The following PAK6 variants were observed in gnomAD, a reference collection of about 807,000 sequenced individuals.
The protein encoded by PAK6 is serine/threonine-protein kinase PAK 6.
In PAK6, 33 loss-of-function variants were observed where a neutral mutation model predicts 60.8. That is an observed-to-expected ratio of 0.54 (90% confidence interval 0.41 to 0.73). The LOEUF is 0.73. Among genes scored for constraint, PAK6 ranks in the 30% least tolerant of loss-of-function variants. PAK6 has a pLI of 0.00. For synonymous variants in PAK6, 404 were observed against 378.5 expected (o/e 1.07, Z -0.78); for missense variants, 845 against 904.1 (o/e 0.93, Z 0.84).
Position 40,265,822 on chromosome 15 carries a change from CT to C in PAK6, c.205-16del. On this transcript the variant is annotated intron_variant, in intron 4 of 10. Coordinates refer to ENST00000560346, the Ensembl canonical transcript of PAK6. ...CACAATTGGGCAGCTCCCACACACT[CT>C]TTTCTCTTCCCCCTACAGACAGTGG... 4.6e-6 allele frequency: 7 copies of C among 1,506,482 alleles called. No homozygotes were observed. The highest frequency in any genetic ancestry group is 6.2e-6 in the Non-Finnish European group (7 of 1,126,584). 93.3% of individuals were successfully genotyped at this position (1,506,482 alleles called of 1,614,324 possible).
rs759019650 is a variant in PAK6, at chr15:40,273,329, C to T, written c.1491-17C>T. ...CTAACGTTCTCTTTCATCGGGTGGC[C>T]CCACCTTCCTGTCCAGGCTGAATGA... On this transcript the variant is annotated splice_polypyrimidine_tract_variant and intron_variant, in intron 7 of 10. Coordinates refer to ENST00000560346, the Ensembl canonical transcript of PAK6. The T allele has an allele frequency of 5.6e-6, 9 of 1,611,574 alleles. No homozygotes were observed. In the South Asian group the frequency reaches 9.9e-5, roughly 18 times the overall value.
At chr15:40,276,048 T>C (rs1263193509) in exon 11 of PAK6, 1 of 1,613,804 alleles carries the variant, frequency 6.2e-7, no homozygotes, top group Admixed American at 1.7e-5. Flanking sequence ...CCTGAGTGCC[T>C]GGTGCCCCTG....
chr15:40,264,023 C>T (rs2039053218), intron 3 of PAK6: 2 of 448,566 alleles, frequency 4.5e-6, no homozygotes, highest in African/African-American at 2.0e-5. Flanking sequence ...AGCTGCCCCT[C>T]ACCCACCCCA....
chr15:40,241,231 A>G (rs962714399), intron 2 of PAK6, among the ~76,000 whole-genome samples: 4 of 152,156 alleles, frequency 2.6e-5, no homozygotes, highest in African/African-American at 9.7e-5. Context: ...CATCGGGCCC[A>G]GTGAGCTCGG....
intron 3 of PAK6, among the ~76,000 whole-genome samples, chr15:40,255,992 C>T (rs2038823199): frequency 6.6e-6 from 1 of 152,154 alleles, no homozygotes; most frequent in South Asian, 2.1e-4. Flanking sequence ...GTGAGGATTT[C>T]CTCTCGTTTA....
chr15:40,251,685 C>T (rs920133531), intron 2 of PAK6: 3 of 152,648 alleles, frequency 2.0e-5, no homozygotes, highest in African/African-American at 7.2e-5. Context: ...ACTTCCTCAG[C>T]ACTCAGCCAG....
chr15:40,264,841 A>G (rs1485889183), exon 4 of PAK6: 1 of 1,614,004 alleles, frequency 6.2e-7, no homozygotes, highest in East Asian at 2.2e-5. Context: ...CAGAACTTCC[A>G]GCACCGTGTC....
intron 3 of PAK6, chr15:40,264,030 C>T: frequency 4.5e-6 from 2 of 443,640 alleles, no homozygotes; most frequent in Middle Eastern, 6.7e-4. Flanking sequence ...CCTCACCCAC[C>T]CCAGGCTATC....
chr15:40,272,598 G>T (rs779503888), exon 6 of PAK6: 1 of 1,612,502 alleles, frequency 6.2e-7, no homozygotes, highest in Non-Finnish European at 8.5e-7. Flanking sequence ...ACAGCTACGT[G>T]AAGATTGGCG....
intron 3 of PAK6, chr15:40,264,414 C>T (rs561521723): frequency 6.4e-6 from 3 of 469,792 alleles, no homozygotes; most frequent in Non-Finnish European, 1.3e-5. Context: ...TTTCCTCCCT[C>T]TTTCCCCATT....
intron 2 of PAK6, among the ~76,000 whole-genome samples, chr15:40,248,156 T>C (rs1386929592): frequency 1.3e-5 from 2 of 152,188 alleles, no homozygotes; most frequent in African/African-American, 4.8e-5. Flanking sequence ...GCTCTGCAGC[T>C]AGACTCCGTC....
rs769863937 is a variant in PAK6, at chr15:40,266,378, T to C, written c.741T>C (p.Pro247=). The change falls in exon 5 of 11, where the codon CCT becomes CCC. Residue 247 remains proline, a synonymous_variant. Coordinates refer to ENST00000560346, the Ensembl canonical transcript of PAK6. ...GCAGGCCAGGTGGGGAAGGCAGCCC[T>C]AGCCCTAAGACCCGGGAGAGCAGCC... 1.9e-6 allele frequency: 3 copies of C among 1,612,972 alleles called. No individual in the cohort carries two copies. The East Asian group carries it at 6.7e-5, about 36-fold the overall frequency.
chr15:40,264,757 C>A, intron 3 of PAK6, 24 bp from the exon 4 acceptor site: 1 of 1,608,540 alleles, frequency 6.2e-7, no homozygotes, highest in East Asian at 2.2e-5. Flanking sequence ...CGGGAGGGAG[C>A]TCAACCTTAC....
rs79110138 is a variant in PAK6, at chr15:40,270,972, G to A, written c.859-1252G>A. ...GTGGGGCCCAAGGCCCAGATTTGGG[G>A]TTTGGGGTCCCTGAGCAAGCATCCC... On this transcript the variant is annotated intron_variant, in intron 5 of 10. Transcript: ENST00000560346. Among the ~76,000 whole-genome samples the A allele has an allele frequency of 1.0e-3, 153 of 152,322 alleles. 1 individual carries two copies. The East Asian group carries it at 0.019, about 19-fold the overall frequency.
chr15:40,242,353 A>G (rs1218075491), intron 2 of PAK6, among the ~76,000 whole-genome samples: 1 of 152,226 alleles, frequency 6.6e-6, no homozygotes, highest in Non-Finnish European at 1.5e-5. Flanking sequence ...GGAAGGACTC[A>G]TGGGAGGCTG....
At chr15:40,267,586 G>A (rs1566855346) in intron 5 of PAK6, among the ~76,000 whole-genome samples, 1 of 152,216 alleles carries the variant, frequency 6.6e-6, no homozygotes, top group Non-Finnish European at 1.5e-5. Context: ...GTGAACCCGG[G>A]AGGCAGAGCT....
intron 2 of PAK6, among the ~76,000 whole-genome samples, chr15:40,243,842 C>A (rs564215365): frequency 6.6e-6 from 1 of 152,310 alleles, no homozygotes; most frequent in South Asian, 2.1e-4. Context: ...GTGAAGGGAT[C>A]GAGAGCCGGG....
At chr15:40,267,991 C>T (rs938839377) in intron 5 of PAK6, among the ~76,000 whole-genome samples, 2 of 152,182 alleles carry the variant, frequency 1.3e-5, no homozygotes, top group African/African-American at 4.8e-5. Context: ...TCTTTCTGGG[C>T]TCCTGCCAGC....
intron 10 of PAK6, among the ~76,000 whole-genome samples, chr15:40,275,036 G>A (rs56205728): frequency 0.26 from 39,295 of 151,958 alleles, 5,327 homozygotes; most frequent in Non-Finnish European, 0.29. Flanking sequence ...CTTGGAGCCC[G>A]CACCGCTAAC....
Sources: allele counts gnomAD v4.1 joint callset (sites outside exome capture counted in the v4.1 genomes callset), GRCh38; gene constraint gnomAD v4.1.1; transcripts MANE v1.5; gene names NCBI Gene and HGNC (gene_info 2026-07-23, HGNC 2026-07-21).